The following IGSF3 variants were observed in gnomAD, a reference collection of about 807,000 sequenced individuals.
IGSF3 encodes immunoglobulin superfamily member 3, also known as glu-Trp-Ile EWI motif-containing protein 3.
IGSF3 carries 23 observed loss-of-function variants against 114.4 expected under a neutral mutation model. The observed-to-expected ratio is 0.20, with a 90% confidence interval of 0.14 to 0.28. The LOEUF (loss-of-function observed/expected upper bound fraction) is 0.28. Ranked by LOEUF, IGSF3 falls within the 10% of genes least tolerant of loss-of-function variation. The probability of loss-of-function intolerance (pLI) is 1.00; values close to 1 mark genes in which losing one functional copy is unlikely to be tolerated. For synonymous variants in IGSF3, 571 were observed against 645.2 expected, an observed-to-expected ratio of 0.88 and a Z score of 1.74; for missense variants, 1,172 against 1,591.5, an observed-to-expected ratio of 0.74 and a Z score of 4.48.
At chr1:116,653,717 G>T (rs1314650733) in intron 2 of IGSF3, among the ~76,000 whole-genome samples, 1 of 152,186 alleles carries the variant, frequency 6.6e-6, no homozygotes, top group African/African-American at 2.4e-5. Flanking sequence ...GACTGGGCAA[G>T]AAATCTACAA....
In IGSF3 at chr1:116,595,964, G is replaced by T. The variant is rs752590911; in HGVS notation, c.2029+3977C>A. Among the ~76,000 whole-genome samples the T allele has an allele frequency of 6.6e-6, 1 of 152,244 alleles. No individual in the cohort carries two copies. Among genetic ancestry groups the T allele is most frequent in the Non-Finnish European group, 1.5e-5 (1 of 68,052 alleles). ...GATCAATGGGGATCAGACTAAGCTAGATCAATGGCAACGTTGACAGTGATG... is the reference window on the plus strand; with the variant it reads ...GATCAATGGGGATCAGACTAAGCTATATCAATGGCAACGTTGACAGTGATG... On this transcript the variant is annotated intron_variant, in intron 7 of 10. Transcript: ENST00000369486. This position sits in a 1 kb window ranked among gnomAD's most constrained non-coding sequence, Gnocchi z 4.2.
chr1:116,599,821 G>C lies in IGSF3; in HGVS notation c.2029+120C>G, dbSNP rs78997396. The C allele has an allele frequency of 2.2e-4, 179 of 830,330 alleles. No homozygotes were observed. The Admixed American group carries it at 2.5e-3, about 11-fold the overall frequency. 51.4% of individuals were successfully genotyped at this position (830,330 alleles called of 1,614,324 possible). A position where few individuals can be genotyped will look rare whatever the true frequency, so the allele number is the denominator to read the frequency against. ...AAAACTTCCTATTGATTTGCAATGT[G>C]TCTAAATGAAGAGCTGGGAAAGGGG... is the stretch of plus-strand genomic sequence containing the variant. On this transcript the variant is annotated intron_variant, in intron 7 of 10. Coordinates refer to ENST00000369486, the MANE Select transcript of IGSF3 (RefSeq NM_001007237.3).
chr1:116,658,277 C>T (rs1320438828), intron 2 of IGSF3, among the ~76,000 whole-genome samples: 1 of 151,990 alleles, frequency 6.6e-6, no homozygotes, highest in Non-Finnish European at 1.5e-5. Flanking sequence ...TGACCTCAAG[C>T]GATCCACCCG....
At position 116,575,963 on chromosome 1, in the gene IGSF3, T is replaced by C. The variant is rs1486453643; in HGVS notation, c.*1349A>G. ...ACAATGCCTTGTGATCACAGTCTGC[T>C]GAGACTAGGCAAACAGAAAGGATGA... On this transcript the variant is annotated 3_prime_UTR_variant, in exon 11 of 11. Coordinates refer to ENST00000369486, the MANE Select transcript of IGSF3 (RefSeq NM_001007237.3). This position sits in a 1 kb window ranked among gnomAD's most constrained non-coding sequence, Gnocchi z 5.6. 6.6e-6 allele frequency: 1 copy of C among 152,234 alleles called. No individual in the cohort carries two copies. The highest frequency in any genetic ancestry group is 1.5e-5 in the Non-Finnish European group (1 of 68,066). 9.4% of individuals were successfully genotyped at this position (152,234 alleles called of 1,614,324 possible). A position where few individuals can be genotyped will look rare whatever the true frequency, so the allele number is the denominator to read the frequency against.
At chr1:116,599,389 T>TACACACACACACACAC (rs1156653211) in intron 7 of IGSF3, among the ~76,000 whole-genome samples, 2 of 120,518 alleles carry the variant, frequency 1.7e-5, no homozygotes, top group African/African-American at 8.2e-5. Flanking sequence ...GACACATACA[T>TACACACACACACACAC]ATACACACAC....
chr1:116,609,353 C>G (rs1239767750), intron 4 of IGSF3, among the ~76,000 whole-genome samples: 2 of 151,992 alleles, frequency 1.3e-5, no homozygotes, highest in Non-Finnish European at 2.9e-5. Flanking sequence ...CTCCAGCCAT[C>G]CTCCCACCTC....
Position 116,649,316 on chromosome 1 carries a change from T to C in IGSF3, c.43+16968A>G, listed in dbSNP as rs1648530802. 6.6e-6 allele frequency among the ~76,000 whole-genome samples: 1 copy of C among 152,236 alleles called. No individual in the cohort carries two copies. The highest frequency in any genetic ancestry group is 1.5e-5 in the Non-Finnish European group (1 of 68,048). On this transcript the variant is annotated intron_variant, in intron 2 of 10. Transcript: ENST00000369486. The surrounding 1 kb of genome is among the most constrained non-coding windows in gnomAD (Gnocchi z 4.5). ...TAGTCACATGGCCCCAACTGAACTGTGAGGGAGGCTGGAAAATCTGGAGTA... is the reference window on the plus strand; with the variant it reads ...TAGTCACATGGCCCCAACTGAACTGCGAGGGAGGCTGGAAAATCTGGAGTA...
At chr1:116,640,054 A>AAAAGAAAG (rs58997685) in intron 2 of IGSF3, among the ~76,000 whole-genome samples, 6 of 147,486 alleles carry the variant, frequency 4.1e-5, no homozygotes, top group African/African-American at 1.6e-4. Context: ...AAAAAAAAAA[A>AAAAGAAAG]AAAGAAAGAA....
rs987902140 is a variant in IGSF3, at chr1:116,600,079, T to G, written c.1891A>C (p.Ser631Arg). 6.2e-7 allele frequency: 1 copy of G among 1,614,170 alleles called. No individual in the cohort carries two copies. The highest frequency in any genetic ancestry group is 8.5e-7 in the Non-Finnish European group (1 of 1,180,030). The change falls in exon 7 of 11, where the codon AGC becomes CGC. Residue 631 changes from serine to arginine, a missense_variant. Ser to Arg is a moderately radical substitution (Grantham distance 110). Around this residue, in one of 3 missense-constraint regions of IGSF3, gnomAD observed 736 missense variants for 1,042.0 expected, o/e 0.71. Coordinates refer to ENST00000369486, the MANE Select transcript of IGSF3 (RefSeq NM_001007237.3). This position sits in a 1 kb window ranked among gnomAD's most constrained non-coding sequence, Gnocchi z 5.5. ...KAESSNNVRL[S>R]ISRASDTEAG... The stretch of plus-strand genomic sequence containing the variant: ...TCCGTGTCACTGGCTCGGCTGATGC[T>G]TAGGCGGACGTTGTTGCTGGACTCA...
rs191062490 is a variant in IGSF3 at position 116,655,223 on chromosome 1, G to C, written c.43+11061C>G. 6.6e-6 allele frequency among the ~76,000 whole-genome samples: 1 copy of C among 152,318 alleles called. No homozygotes were observed. The highest frequency in any genetic ancestry group is 1.9e-4 in the East Asian group (1 of 5,188). ...TGTAGCAGGCACTCGGTTATTTGTTGAATGAACTTCTTGGGAAAGCCTTCT... is the reference window on the plus strand; with the variant it reads ...TGTAGCAGGCACTCGGTTATTTGTTCAATGAACTTCTTGGGAAAGCCTTCT... On this transcript the variant is annotated intron_variant, in intron 2 of 10. Coordinates refer to ENST00000369486, the MANE Select transcript of IGSF3 (RefSeq NM_001007237.3). The surrounding 1 kb of genome is among the most constrained non-coding windows in gnomAD (Gnocchi z 4.3).
In IGSF3 at chr1:116,614,041, G is replaced by T. The variant is rs559986939; in HGVS notation, c.556C>A (p.Gln186Lys). Residue 186 changes from glutamine (Q) to lysine (K), a missense_variant, in exon 4 of 11, where the codon CAG becomes AAG. Coordinates refer to ENST00000369486, the MANE Select transcript of IGSF3 (RefSeq NM_001007237.3). This position sits in a 1 kb window ranked among gnomAD's most constrained non-coding sequence, Gnocchi z 4.5. ...TCCACGGGCTTCTCGCCAACTTTCT[G>T]CCGGAGCCAGGCCACAGACAGGTGG... ...HSHLSVAWLR[Q>K]KVGEKPVEVI... 37 of 1,614,148 alleles carry T rather than the reference G, an allele frequency of 2.3e-5. No homozygotes were observed. The African/African-American group carries it at 4.8e-4, about 21-fold the overall frequency.
chr1:116,653,527 A>C (rs974560948), intron 2 of IGSF3, among the ~76,000 whole-genome samples: 1 of 152,202 alleles, frequency 6.6e-6, no homozygotes, highest in Non-Finnish European at 1.5e-5. Context: ...TAGGGGGAAG[A>C]GTGGGAAGGC....
intron 4 of IGSF3, among the ~76,000 whole-genome samples, chr1:116,611,440 CT>C (rs1661015168): frequency 2.0e-5 from 3 of 152,118 alleles, no homozygotes; most frequent in Non-Finnish European, 4.4e-5. Context: ...TCCTAGGCAC[CT>C]TTGAGGGGCT....
In IGSF3 at chr1:116,608,295, C is replaced by T. The variant is rs1354298180; in HGVS notation, c.869G>A (p.Arg290Gln). The stretch of plus-strand genomic sequence containing the variant: ...CACCGGCTCGCCCACCGTGTGCAGC[C>T]GCTTCTCTGTCTCCAGCCGAACAGT... ...EFTVRLETEKRLHTVGEPVEF... is the reference protein window; with the variant it reads ...EFTVRLETEKQLHTVGEPVEF... The change falls in exon 5 of 11, where the codon CGG becomes CAG. Residue 290 changes from arginine to glutamine, a missense_variant. Around this residue, in one of 3 missense-constraint regions of IGSF3, gnomAD observed 736 missense variants for 1,042.0 expected, o/e 0.71. Transcript: ENST00000369486. 5.6e-6 allele frequency: 9 copies of T among 1,613,572 alleles called. No homozygotes were observed. Among genetic ancestry groups the T allele is most frequent in the South Asian group, 1.1e-5 (1 of 91,038 alleles).
chr1:116,609,955 GACCTA>G (rs1306913883), intron 4 of IGSF3, among the ~76,000 whole-genome samples: 2 of 152,000 alleles, frequency 1.3e-5, no homozygotes, highest in African/African-American at 4.8e-5. Context: ...TCTTTCCAGT[GACCTA>G]ACTACTTCCT....
At position 116,615,983 on chromosome 1, in the gene IGSF3, T is replaced by A; in HGVS notation, c.421+97A>T. 9.4e-7 allele frequency: 1 copy of A among 1,065,500 alleles called. No homozygotes were observed. Among genetic ancestry groups the A allele is most frequent in the Non-Finnish European group, 1.4e-6 (1 of 736,114 alleles). 66.0% of individuals were successfully genotyped at this position (1,065,500 alleles called of 1,614,324 possible). ...TAAAATATGTTGGGAGTTTTGGGAT[T>A]TTTTTTAAAGTCAAATGCATGGCAT... is the stretch of plus-strand genomic sequence containing the variant. On this transcript the variant is annotated intron_variant, in intron 3 of 10. Transcript: ENST00000369486. The surrounding 1 kb of genome is among the most constrained non-coding windows in gnomAD (Gnocchi z 4.3).
chr1:116,589,333 A>C lies in IGSF3; in HGVS notation c.2030-229T>G, dbSNP rs1008926607. Among the ~76,000 whole-genome samples the C allele has an allele frequency of 1.3e-5, 2 of 151,912 alleles. No homozygotes were observed. The highest frequency in any genetic ancestry group is 4.8e-5 in the African/African-American group (2 of 41,334). ...GGCCTTCACCATCTCTCCCCTATCC[A>C]CTGCCTGCACAGCCCACCATCACAG... On this transcript the variant is annotated intron_variant, in intron 7 of 10. Coordinates refer to ENST00000369486, the MANE Select transcript of IGSF3 (RefSeq NM_001007237.3). The surrounding 1 kb of genome is among the most constrained non-coding windows in gnomAD (Gnocchi z 5.7).
At position 116,633,038 on chromosome 1, in the gene IGSF3, G is replaced by GC. The variant is rs370991763; in HGVS notation, c.44-16582dup. On this transcript the variant is annotated intron_variant, in intron 2 of 10. Coordinates refer to ENST00000369486, the MANE Select transcript of IGSF3 (RefSeq NM_001007237.3). The surrounding 1 kb of genome is among the most constrained non-coding windows in gnomAD (Gnocchi z 4.3). ...TACAGAGAAAAAAATAGCTTCAAAT[G>GC]CTATATAGACCAATGCTGCACGCTG... is the stretch of plus-strand genomic sequence containing the variant. Among the ~76,000 whole-genome samples, 14 of 152,330 alleles carry GC rather than the reference G, an allele frequency of 9.2e-5. No homozygotes were observed. The highest frequency in any genetic ancestry group is 2.1e-4 in the South Asian group (1 of 4,824).
chr1:116,604,586 A>T (rs1349615617), intron 5 of IGSF3, among the ~76,000 whole-genome samples: 1 of 152,222 alleles, frequency 6.6e-6, no homozygotes, highest in Non-Finnish European at 1.5e-5. Context: ...GTAATAAGGG[A>T]GCACAGATGG....
Sources: gnomAD v4.1 joint callset for allele counts (sites outside exome capture counted in the v4.1 genomes callset) on GRCh38, gnomAD v4.1.1 for gene constraint, gnomAD v4.1.1 regional missense constraint, Gnocchi (gnomAD v3.1) non-coding constraint, MANE v1.5 for transcripts, NCBI Gene and HGNC (gene_info 2026-07-23, HGNC 2026-07-21) for gene names.